The following PDE3A variants were observed in gnomAD, a reference collection of about 807,000 sequenced individuals.
PDE3A encodes cGMP-inhibited 3',5'-cyclic phosphodiesterase 3A.
Under a neutral mutation model 98.3 loss-of-function variants are expected in PDE3A, and 43 were observed. The observed-to-expected ratio is 0.44, with a 90% confidence interval of 0.34 to 0.56. The LOEUF is 0.56. Among genes scored for constraint, PDE3A ranks in the 20% least tolerant of loss-of-function variants. The probability of loss-of-function intolerance (pLI) is 0.01; values close to 1 mark genes in which losing one functional copy is unlikely to be tolerated. For missense variants in PDE3A, 1,427 were observed against 1,440.7 expected (o/e 0.99, Z 0.15); for synonymous variants, 663 against 567.9 (o/e 1.17, Z -2.38).
intron 1 of PDE3A, among the ~76,000 whole-genome samples, chr12:20,529,634 C>T (rs905987409): frequency 2.0e-5 from 3 of 152,022 alleles, no homozygotes; most frequent in Non-Finnish European, 2.9e-5. Context: ...CAAGGAACCC[C>T]AAGAATTGCC....
chr12:20,442,442 G>C (rs947840320), intron 1 of PDE3A, among the ~76,000 whole-genome samples: 2 of 152,188 alleles, frequency 1.3e-5, no homozygotes, highest in Non-Finnish European at 2.9e-5. Flanking sequence ...ACATAGGAGA[G>C]GGAGAGCACA....
chr12:20,391,591 T>A (rs1943916756), intron 1 of PDE3A, among the ~76,000 whole-genome samples: 2 of 151,580 alleles, frequency 1.3e-5, no homozygotes, highest in Admixed American at 6.6e-5. Context: ...AGGACTTTTT[T>A]TTTTCCGTTT....
chr12:20,673,678 T>C (rs1945552044), intron 15 of PDE3A, among the ~76,000 whole-genome samples: 1 of 135,890 alleles, frequency 7.4e-6, no homozygotes, highest in Non-Finnish European at 1.5e-5. Flanking sequence ...GGAAGGGGAA[T>C]ATCACACTGG....
At chr12:20,445,890 T>A (rs903255628) in intron 1 of PDE3A, among the ~76,000 whole-genome samples, 10 of 151,940 alleles carry the variant, frequency 6.6e-5, no homozygotes, top group African/African-American at 2.2e-4. Flanking sequence ...ACAAAGCTTT[T>A]AAAAAAAATC....
At chr12:20,379,482 CA>C (rs1167395424) in intron 1 of PDE3A, among the ~76,000 whole-genome samples, 1 of 151,690 alleles carries the variant, frequency 6.6e-6, no homozygotes, top group Non-Finnish European at 1.5e-5. Flanking sequence ...CTAAGGAAGT[CA>C]GATTCAGATT....
intron 1 of PDE3A, among the ~76,000 whole-genome samples, chr12:20,544,877 CAAA>C (rs1333618762): frequency 3.3e-5 from 5 of 151,770 alleles, no homozygotes; most frequent in Admixed American, 3.3e-4. Flanking sequence ...TCTCTTGAAA[CAAA>C]AAAGTTTCTA....
At chr12:20,607,298 A>G (rs774764438) in intron 2 of PDE3A, among the ~76,000 whole-genome samples, 1 of 151,920 alleles carries the variant, frequency 6.6e-6, no homozygotes. Flanking sequence ...AAAATTAGGC[A>G]TGGTGGTGTG....
intron 1 of PDE3A, among the ~76,000 whole-genome samples, chr12:20,375,454 G>GA (rs947468458): frequency 3.2e-4 from 48 of 151,978 alleles, no homozygotes; most frequent in Non-Finnish European, 5.7e-4. Flanking sequence ...TGATCACTGA[G>GA]AAAAAAGTCT....
chr12:20,551,844 C>G (rs1942211704), intron 1 of PDE3A: 2 of 1,613,774 alleles, frequency 1.2e-6, no homozygotes, highest in African/African-American at 1.3e-5. Flanking sequence ...CCTGTGTGGG[C>G]CGCACCAAGG....
chr12:20,386,049 T>A (rs1253915742), intron 1 of PDE3A, among the ~76,000 whole-genome samples: 1 of 49,288 alleles, frequency 2.0e-5, no homozygotes, highest in Non-Finnish European at 3.7e-5. Flanking sequence ...AAAATATATA[T>A]AAATATATAT....
chr12:20,469,653 C>G (rs1487580214), intron 1 of PDE3A, among the ~76,000 whole-genome samples: 1 of 152,184 alleles, frequency 6.6e-6, no homozygotes, highest in East Asian at 1.9e-4. Context: ...AATCTCCCTT[C>G]TAATAAACAT....
At chr12:20,607,501 T>A (rs562234971) in intron 2 of PDE3A, among the ~76,000 whole-genome samples, 1 of 150,680 alleles carries the variant, frequency 6.6e-6, no homozygotes, top group South Asian at 2.1e-4. Flanking sequence ...ACCAAAAGTA[T>A]CAGTTATTTT....
At chr12:20,506,246 G>GA (rs1174143329) in intron 1 of PDE3A, among the ~76,000 whole-genome samples, 2 of 151,850 alleles carry the variant, frequency 1.3e-5, no homozygotes, top group African/African-American at 4.8e-5. Context: ...TAACCCATGT[G>GA]AAAATTAACA....
At chr12:20,597,128 T>A (rs1943484609) in intron 2 of PDE3A, among the ~76,000 whole-genome samples, 1 of 152,194 alleles carries the variant, frequency 6.6e-6, no homozygotes, top group Non-Finnish European at 1.5e-5. Flanking sequence ...TGTTTAGATC[T>A]CTTGAGTTGC....
chr12:20,592,992 C>A (rs1353377214), intron 2 of PDE3A, among the ~76,000 whole-genome samples: 5 of 152,066 alleles, frequency 3.3e-5, no homozygotes, highest in African/African-American at 1.2e-4. Context: ...TAAAAATGAA[C>A]AAAAATTGTT....
intron 1 of PDE3A, among the ~76,000 whole-genome samples, chr12:20,454,859 A>T (rs751699635): frequency 6.6e-6 from 1 of 152,016 alleles, no homozygotes; most frequent in Non-Finnish European, 1.5e-5. Flanking sequence ...CATTTTCTTT[A>T]TCCAGTCTAC....
In PDE3A at chr12:20,369,280, A is replaced by T. The variant is rs1943407773; in HGVS notation, c.-5A>T. 1 of 1,509,294 alleles carries T rather than the reference A, an allele frequency of 6.6e-7. No individual in the cohort carries two copies. The highest frequency in any genetic ancestry group is 8.9e-7 in the Non-Finnish European group (1 of 1,124,418). The allele number at this position is 1,509,294 out of a possible 1,614,324, so 93.5% of individuals were successfully genotyped here. ...GGGAATTCAGTGAAGAGGGCACCCTATACCATGGCAGTGCCCGGCGACGCT... is the reference window on the plus strand; with the variant it reads ...GGGAATTCAGTGAAGAGGGCACCCTTTACCATGGCAGTGCCCGGCGACGCT... On this transcript the variant is annotated 5_prime_UTR_variant, in exon 1 of 16. Coordinates refer to ENST00000359062, the MANE Select transcript of PDE3A (RefSeq NM_000921.5).
chr12:20,570,144 A>T (rs1430476970), intron 2 of PDE3A, among the ~76,000 whole-genome samples: 1 of 152,156 alleles, frequency 6.6e-6, no homozygotes, highest in Non-Finnish European at 1.5e-5. Flanking sequence ...ACGGTGGCTC[A>T]CGCCTGTAAT....
intron 10 of PDE3A, among the ~76,000 whole-genome samples, 178 bp from the exon 11 acceptor site, chr12:20,646,312 G>C (rs577763938): frequency 1.3e-5 from 2 of 152,090 alleles, no homozygotes; most frequent in South Asian, 2.1e-4. Context: ...TTCTTGTTAC[G>C]ATGGATGTTA....
Sources: allele counts gnomAD v4.1 joint callset (sites outside exome capture counted in the v4.1 genomes callset), GRCh38; gene constraint gnomAD v4.1.1; transcripts MANE v1.5; gene names NCBI Gene and HGNC (gene_info 2026-07-23, HGNC 2026-07-21).